MCTP1: variants seen among roughly 807,000 people sequenced by gnomAD.
MCTP1 encodes multiple C2 and transmembrane domain-containing protein 1.
A neutral mutation model predicts 120.6 loss-of-function variants in MCTP1; 69 were observed. The observed-to-expected ratio is 0.57, with a 90% CI of 0.47 to 0.70. The LOEUF is 0.70. Among genes scored for constraint, MCTP1 ranks in the 30% least tolerant of loss-of-function variants. The pLI is 0.00. For missense variants in MCTP1, 1,203 were observed against 1,248.8 expected (o/e 0.96, Z 0.55); for synonymous variants, 529 against 493.1 (o/e 1.07, Z -0.96).
chr5:94,962,599 T>C (rs976402988), intron 2 of MCTP1, among the ~76,000 whole-genome samples: 12 of 152,024 alleles, frequency 7.9e-5, no homozygotes, highest in African/African-American at 2.9e-4. Flanking sequence ...GAGACTATTA[T>C]TCTAAGTGAA....
chr5:95,181,271 T>A (rs1433803598), intron 1 of MCTP1, among the ~76,000 whole-genome samples: 2 of 152,252 alleles, frequency 1.3e-5, no homozygotes, highest in South Asian at 4.1e-4. Flanking sequence ...GTCCTCTTTG[T>A]GCTTCTCCAA....
At chr5:94,832,870 G>A (rs535982678) in intron 17 of MCTP1, among the ~76,000 whole-genome samples, 86 of 152,188 alleles carry the variant, frequency 5.7e-4, no homozygotes, top group Non-Finnish European at 9.6e-4. Flanking sequence ...GTTAAAACAC[G>A]TGTCATGAGC....
rs530367870 is a variant in MCTP1, at chr5:94,951,283, T to C, written c.981+1936A>G. On this transcript the variant is annotated intron_variant, in intron 3 of 22. Transcript: ENST00000515393. ...CTAGTAAGACATTCCTTTTGAAAAA[T>C]GCATCTTGGCATTTGGATTTCTACA... Among the ~76,000 whole-genome samples the C allele has an allele frequency of 3.2e-4, 48 of 152,296 alleles. No homozygotes were observed. In the South Asian group the frequency reaches 9.9e-3, roughly 32 times the overall value.
intron 17 of MCTP1, among the ~76,000 whole-genome samples, chr5:94,810,741 C>G (rs1402475372): frequency 6.6e-6 from 1 of 152,150 alleles, no homozygotes; most frequent in Non-Finnish European, 1.5e-5. Flanking sequence ...CTTTTTTCCA[C>G]TCAAATTATT....
At chr5:95,135,195 T>C (rs960283360) in intron 1 of MCTP1, among the ~76,000 whole-genome samples, 9 of 152,044 alleles carry the variant, frequency 5.9e-5, no homozygotes, top group Non-Finnish European at 8.8e-5. Flanking sequence ...ACAGATTCTA[T>C]AACTCTGGAA....
intron 1 of MCTP1, among the ~76,000 whole-genome samples, chr5:95,143,263 TAAC>T: frequency 6.6e-6 from 1 of 152,292 alleles, no homozygotes; most frequent in Non-Finnish European, 1.5e-5. Context: ...TCATAGGTTT[TAAC>T]AAAAATTTTT....
At chr5:95,263,668 C>T (rs533356706) in intron 1 of MCTP1, among the ~76,000 whole-genome samples, 16 of 152,138 alleles carry the variant, frequency 1.1e-4, no homozygotes, top group Non-Finnish European at 1.8e-4. Context: ...TGGAGATGAA[C>T]GACTATCAGA....
At chr5:95,228,801 C>T (rs1754593910) in intron 1 of MCTP1, among the ~76,000 whole-genome samples, 1 of 152,152 alleles carries the variant, frequency 6.6e-6, no homozygotes, top group Non-Finnish European at 1.5e-5. Context: ...CACCTCCCCG[C>T]AACTCTCTCT....
chr5:94,840,263 A>G (rs922752501), intron 17 of MCTP1, among the ~76,000 whole-genome samples: 1 of 152,214 alleles, frequency 6.6e-6, no homozygotes, highest in African/African-American at 2.4e-5. Flanking sequence ...TAAAGAGAAG[A>G]CCTTCTTTAG....
At chr5:95,279,048 A>T (rs897585449) in intron 1 of MCTP1, among the ~76,000 whole-genome samples, 7 of 152,152 alleles carry the variant, frequency 4.6e-5, no homozygotes, top group African/African-American at 1.7e-4. Context: ...AAGAAGAAAA[A>T]ATATATATAA....
intron 17 of MCTP1, among the ~76,000 whole-genome samples, chr5:94,829,667 G>A (rs1266696146): frequency 6.6e-6 from 1 of 152,148 alleles, no homozygotes; most frequent in Admixed American, 6.5e-5. Flanking sequence ...ATGGGAAAAA[G>A]ATGTCCTAAA....
At chr5:95,179,523 T>C (rs891589684) in intron 1 of MCTP1, among the ~76,000 whole-genome samples, 1 of 152,194 alleles carries the variant, frequency 6.6e-6, no homozygotes, top group Non-Finnish European at 1.5e-5. Context: ...GGTCCTATTT[T>C]AGCCTCCTTA....
chr5:95,115,766 A>T (rs773456432), intron 1 of MCTP1, among the ~76,000 whole-genome samples: 2 of 152,294 alleles, frequency 1.3e-5, no homozygotes, highest in Middle Eastern at 6.8e-3. Flanking sequence ...GAAAGATAAT[A>T]TCTGAGTACA....
intron 2 of MCTP1, among the ~76,000 whole-genome samples, chr5:94,973,109 T>G (rs1045014286): frequency 1.3e-5 from 2 of 152,164 alleles, no homozygotes; most frequent in East Asian, 3.8e-4. Context: ...ATGAATAAAT[T>G]AGTATTCTCA....
chr5:95,115,664 A>C lies in MCTP1; in HGVS notation c.721-98180T>G, dbSNP rs1757772806. Among the ~76,000 whole-genome samples the C allele has an allele frequency of 1.3e-5, 2 of 152,164 alleles. 1 individual carries two copies. Among genetic ancestry groups the C allele is most frequent in the South Asian group, 4.1e-4 (2 of 4,826 alleles). On this transcript the variant is annotated intron_variant, in intron 1 of 22. Transcript: ENST00000515393. ...AAATAGCATCAAAAAGGCAAATCTA[A>C]GAGTTATTGGCCTTAAAGATGAGGT... is the stretch of plus-strand genomic sequence containing the variant.
intron 1 of MCTP1, among the ~76,000 whole-genome samples, chr5:95,273,087 G>T (rs865821208): frequency 6.6e-6 from 1 of 152,248 alleles, no homozygotes; most frequent in Non-Finnish European, 1.5e-5. Flanking sequence ...CCCACAGGGC[G>T]CAGGAGGCAA....
chr5:94,909,340 A>G lies in MCTP1; in HGVS notation c.1563T>C (p.Phe521=). Residue 521 remains phenylalanine, a synonymous_variant, in exon 10 of 23, where the codon TTT becomes TTC. Coordinates refer to ENST00000515393, the MANE Select transcript of MCTP1 (RefSeq NM_024717.7). ...KTLNPQWREQ[F]DFHLYEERGG... ...CTCTTTCTTCATAAAGGTGAAAATC[A>G]AATTGTTCCCTCCACTGAGGATTCA... 1 of 1,609,162 alleles carries G rather than the reference A, an allele frequency of 6.2e-7. No homozygotes were observed. The highest frequency in any genetic ancestry group is 8.5e-7 in the Non-Finnish European group (1 of 1,178,094).
chr5:94,798,888 T>C, intron 18 of MCTP1, 125 bp downstream of exon 18: 1 of 967,648 alleles, frequency 1.0e-6, no homozygotes, highest in Non-Finnish European at 1.5e-6. Context: ...TGATAAAACT[T>C]TCCTCTAAAC....
intron 1 of MCTP1, among the ~76,000 whole-genome samples, chr5:95,081,188 C>G (rs767848760): frequency 6.6e-6 from 1 of 151,840 alleles, no homozygotes; most frequent in Non-Finnish European, 1.5e-5. Context: ...ACAATGTTTC[C>G]ATTTCTCAGG....
Sources: allele counts gnomAD v4.1 joint callset (sites outside exome capture counted in the v4.1 genomes callset), GRCh38; gene constraint gnomAD v4.1.1; transcripts MANE v1.5; gene names NCBI Gene and HGNC (gene_info 2026-07-23, HGNC 2026-07-21).